The following PAPPA variants were observed in gnomAD, a reference collection of about 807,000 sequenced individuals.
PAPPA encodes the protein pappalysin 1.
Under a neutral mutation model 164.0 loss-of-function variants are expected in PAPPA, and 60 were observed. The observed-to-expected ratio is 0.37, with a 90% CI of 0.30 to 0.45. The LOEUF (loss-of-function observed/expected upper bound fraction) is 0.45, where lower values mean the gene tolerates loss of function less well. PAPPA is among the 20% of genes least tolerant of loss of function. PAPPA has a pLI of 1.00. For synonymous variants in PAPPA, 875 were observed against 814.1 expected (o/e 1.07, Z -1.27); for missense variants, 1,782 against 2,087.3 (o/e 0.85, Z 2.85).
At position 116,396,656 on chromosome 9, in the gene PAPPA, A is replaced by AT; in HGVS notation, c.*40_*41insT. The AT allele has an allele frequency of 1.3e-6, 1 of 774,970 alleles. No individual in the cohort carries two copies. Among genetic ancestry groups the AT allele is most frequent in the South Asian group, 1.4e-5 (1 of 73,906 alleles). The allele number at this position is 774,970 out of a possible 1,614,324, so 48.0% of individuals were successfully genotyped here. Reference sequence around the variant, plus strand: ...TTGTCAAAGAATTCCCAACGCCAGGACCCACATCCCTTTGGTATTGATTTC... The same window carrying AT: ...TTGTCAAAGAATTCCCAACGCCAGGATCCCACATCCCTTTGGTATTGATTTC... On this transcript the variant is annotated 3_prime_UTR_variant, in exon 22 of 22. Coordinates refer to ENST00000328252, the MANE Select transcript of PAPPA (RefSeq NM_002581.5).
At chr9:116,222,638 A>AGGTAGAAATGAATGATG in intron 5 of PAPPA, among the ~76,000 whole-genome samples, 1 of 152,220 alleles carries the variant, frequency 6.6e-6, no homozygotes, top group East Asian at 1.9e-4. Context: ...GTGGAATCTA[A>AGGTAGAAATGAATGATG]AAAAAATGAA....
chr9:116,235,707 G>A, intron 7 of PAPPA, 70 bp downstream of exon 7: 1 of 1,479,858 alleles, frequency 6.8e-7, no homozygotes, highest in Non-Finnish European at 9.4e-7. Flanking sequence ...GTGGGTCAGA[G>A]AGGCCTGGAC....
chr9:116,265,306 A>G (rs1845053198), intron 7 of PAPPA, among the ~76,000 whole-genome samples: 2 of 152,048 alleles, frequency 1.3e-5, no homozygotes, highest in African/African-American at 4.8e-5. Context: ...TATTATTATT[A>G]TTTTGTCGAG....
At chr9:116,389,216 T>A (rs1225802819) in intron 21 of PAPPA, among the ~76,000 whole-genome samples, 2 of 144,928 alleles carry the variant, frequency 1.4e-5, no homozygotes, top group Non-Finnish European at 3.0e-5. Context: ...CACTGCAACC[T>A]CCGCCTCCCA....
chr9:116,300,102 T>C (rs559551152), intron 9 of PAPPA, among the ~76,000 whole-genome samples: 39 of 152,206 alleles, frequency 2.6e-4, no homozygotes, highest in African/African-American at 9.1e-4. Flanking sequence ...ATACGATATG[T>C]AGAGTGGCCA....
chr9:116,282,239 A>G (rs866490839), intron 9 of PAPPA, among the ~76,000 whole-genome samples: 6 of 152,230 alleles, frequency 3.9e-5, no homozygotes, highest in African/African-American at 9.6e-5. Context: ...ATTACTTCTA[A>G]TACCTAATAC....
Position 116,344,686 on chromosome 9 carries a change from G to A in PAPPA, c.3755G>A (p.Arg1252Gln), listed in dbSNP as rs746069746. 13 of 1,613,872 alleles carry A rather than the reference G, an allele frequency of 8.1e-6. No individual in the cohort carries two copies. Among genetic ancestry groups the A allele is most frequent in the Admixed American group, 3.3e-5 (2 of 60,004 alleles). The change falls in exon 14 of 22, where the codon CGG becomes CAG. Residue 1252 changes from arginine to glutamine, a missense_variant. Arg to Gln is a conservative substitution (Grantham distance 43, BLOSUM62 1). This residue lies in a region of PAPPA where 1,324 missense variants were observed against 1,656.9 expected (regional missense o/e 0.80). Coordinates refer to ENST00000328252, the MANE Select transcript of PAPPA (RefSeq NM_002581.5). ...CRTGYVLQIR[R>Q]DDELIKSQTG... is the part of the protein sequence containing the mutation. ...ACAGGCTACGTGCTCCAGATACGGCGGGATGATGAGCTGATCAAGAGCCAG... is the reference window on the plus strand; with the variant it reads ...ACAGGCTACGTGCTCCAGATACGGCAGGATGATGAGCTGATCAAGAGCCAG...
intron 7 of PAPPA, among the ~76,000 whole-genome samples, chr9:116,257,791 A>G (rs1844948987): frequency 6.6e-6 from 1 of 152,042 alleles, no homozygotes; most frequent in African/African-American, 2.4e-5. Flanking sequence ...AAAATTACTA[A>G]GAATCAACAA....
intron 8 of PAPPA, among the ~76,000 whole-genome samples, chr9:116,268,704 G>GC (rs1299527616): frequency 8.5e-6 from 1 of 117,750 alleles, no homozygotes; most frequent in Non-Finnish European, 1.8e-5. Flanking sequence ...ACTTAATACA[G>GC]TTTTTTTTTA....
intron 10 of PAPPA, among the ~76,000 whole-genome samples, chr9:116,326,695 T>C (rs1588005198): frequency 6.6e-6 from 1 of 152,240 alleles, no homozygotes; most frequent in Non-Finnish European, 1.5e-5. Context: ...TTATTCATCT[T>C]GCTTAACTGA....
rs73654667 is a variant in PAPPA at position 116,190,895 on chromosome 9, G to A, written c.1478+2679G>A. ...CCCTGGGTGAGGCCCACCAGGTCACGTGTCATCTCTTGGTGAGGCTGGGAT... is the reference window on the plus strand; with the variant it reads ...CCCTGGGTGAGGCCCACCAGGTCACATGTCATCTCTTGGTGAGGCTGGGAT... On this transcript the variant is annotated intron_variant, in intron 2 of 21. Coordinates refer to ENST00000328252, the MANE Select transcript of PAPPA (RefSeq NM_002581.5). Among the ~76,000 whole-genome samples the A allele has an allele frequency of 8.3e-3, 1,258 of 152,336 alleles. 19 individuals are homozygous for A. The highest frequency in any genetic ancestry group is 0.028 in the African/African-American group (1,146 of 41,574).
chr9:116,326,905 A>G (rs569067662), intron 10 of PAPPA, among the ~76,000 whole-genome samples: 5 of 152,328 alleles, frequency 3.3e-5, no homozygotes, highest in Admixed American at 2.0e-4. Flanking sequence ...CTTATTGCAG[A>G]TTGCAGAATT....
chr9:116,261,286 T>A (rs1270316077), intron 7 of PAPPA, among the ~76,000 whole-genome samples: 1 of 152,170 alleles, frequency 6.6e-6, no homozygotes, highest in Middle Eastern at 3.2e-3. Context: ...TTTGAAGAGA[T>A]AGACAATGAT....
intron 6 of PAPPA, among the ~76,000 whole-genome samples, chr9:116,231,794 T>C (rs1844600739): frequency 7.7e-6 from 1 of 129,262 alleles, no homozygotes; most frequent in African/African-American, 2.8e-5. Flanking sequence ...GGAGTTTCAC[T>C]ATTGTTGCCC....
rs1421011212 is a variant in PAPPA, at chr9:116,188,084, T to C, written c.1346T>C (p.Val449Ala). ...DCRHLRHPAF[V>A]KKQHNGVCDM... Reference sequence around the variant, plus strand: ...CGCCACCTGCGCCACCCTGCCTTCGTGAAGAAGCAGCACAACGGGGTGTGT... The same window carrying C: ...CGCCACCTGCGCCACCCTGCCTTCGCGAAGAAGCAGCACAACGGGGTGTGT... Residue 449 changes from valine to alanine, a missense_variant, in exon 2 of 22, where the codon GTG becomes GCG. Around this residue, in one of 2 missense-constraint regions of PAPPA, gnomAD observed 1,324 missense variants for 1,656.9 expected, o/e 0.80. Coordinates refer to ENST00000328252, the MANE Select transcript of PAPPA (RefSeq NM_002581.5). 1 of 1,614,068 alleles carries C rather than the reference T, an allele frequency of 6.2e-7. No individual in the cohort carries two copies. Among genetic ancestry groups the C allele is most frequent in the African/African-American group, 1.3e-5 (1 of 74,946 alleles).
intron 10 of PAPPA, among the ~76,000 whole-genome samples, chr9:116,325,364 TCCTGGGG>T (rs1276674525): frequency 6.6e-6 from 1 of 152,110 alleles, no homozygotes; most frequent in African/African-American, 2.4e-5. Context: ...GTCCTTAAGC[TCCTGGGG>T]CCCTTAAAGG....
intron 13 of PAPPA, among the ~76,000 whole-genome samples, chr9:116,341,960 A>G (rs1295411069): frequency 6.6e-6 from 1 of 152,250 alleles, no homozygotes; most frequent in Non-Finnish European, 1.5e-5. Context: ...CTTCTACCCC[A>G]GAAAACGAAG....
intron 18 of PAPPA, among the ~76,000 whole-genome samples, chr9:116,363,471 G>T (rs1846456711): frequency 6.6e-6 from 1 of 152,180 alleles, no homozygotes; most frequent in African/African-American, 2.4e-5. Context: ...AGCTGGGATT[G>T]TATGCCAGGG....
rs1846982848 is a variant in PAPPA, at chr9:116,397,619, A to G, written c.*1003A>G. 1 of 152,672 alleles carries G rather than the reference A, an allele frequency of 6.5e-6. No homozygotes were observed. The highest frequency in any genetic ancestry group is 2.4e-5 in the African/African-American group (1 of 41,460). 9.5% of individuals were successfully genotyped at this position (152,672 alleles called of 1,614,324 possible). On this transcript the variant is annotated 3_prime_UTR_variant, in exon 22 of 22. Transcript: ENST00000328252. The stretch of plus-strand genomic sequence containing the variant: ...GCAAGAGAAAAACCCTCATGGGTCC[A>G]CATGGTGAGAAGTTAAGTTTCCTGT...
Sources: gnomAD v4.1 joint callset for allele counts (sites outside exome capture counted in the v4.1 genomes callset) on GRCh38, gnomAD v4.1.1 for gene constraint, gnomAD v4.1.1 regional missense constraint, MANE v1.5 for transcripts, NCBI Gene and HGNC (gene_info 2026-07-23, HGNC 2026-07-21) for gene names.